LRRC8D: variants seen among roughly 807,000 people sequenced by gnomAD.
LRRC8D encodes leucine rich repeat containing 8 VRAC subunit D.
In LRRC8D, 20 loss-of-function variants were observed where a neutral mutation model predicts 55.8. The ratio of observed to expected loss-of-function variants is 0.36; its 90% CI spans 0.25 to 0.52. LRRC8D has a LOEUF of 0.52. LRRC8D is among the 20% of genes least tolerant of loss of function. LRRC8D has a pLI of 0.93. For missense variants in LRRC8D, 651 were observed against 1,030.8 expected, an observed-to-expected ratio of 0.63 and a Z score of 5.05; for synonymous variants, 352 against 377.0, an observed-to-expected ratio of 0.93 and a Z score of 0.77.
intron 2 of LRRC8D, among the ~76,000 whole-genome samples, chr1:89,877,525 A>G (rs1020043915): frequency 2.0e-5 from 3 of 152,208 alleles, no homozygotes; most frequent in Admixed American, 2.0e-4. Flanking sequence ...TAATCCTTAC[A>G]TATTTGCCCC....
chr1:89,857,238 C>T (rs1364798201), intron 2 of LRRC8D, among the ~76,000 whole-genome samples: 2 of 151,730 alleles, frequency 1.3e-5, no homozygotes, highest in African/African-American at 2.4e-5. Context: ...AGAAAATTAG[C>T]CGGGTGTGGT....
At chr1:89,891,182 A>C (rs1449721252) in intron 2 of LRRC8D, among the ~76,000 whole-genome samples, 2 of 152,070 alleles carry the variant, frequency 1.3e-5, no homozygotes, top group Non-Finnish European at 2.9e-5. Context: ...GCCTGGCCTC[A>C]GTTTTTGTCT....
At chr1:89,899,546 G>A (rs927975861) in intron 2 of LRRC8D, among the ~76,000 whole-genome samples, 1 of 152,220 alleles carries the variant, frequency 6.6e-6, no homozygotes, top group Non-Finnish European at 1.5e-5. Flanking sequence ...CTTGAGGAAA[G>A]AATTAATGTA....
At position 89,881,378 on chromosome 1, in the gene LRRC8D, C is replaced by T. The variant is rs940198263; in HGVS notation, c.-3+37596C>T. Among the ~76,000 whole-genome samples, 12 of 152,076 alleles carry T rather than the reference C, an allele frequency of 7.9e-5. No individual in the cohort carries two copies. The East Asian group carries it at 1.2e-3, about 15-fold the overall frequency. ...ATGTATGAAATAGTCATCTAAAAAA[C>T]GAAAGAATGATGGACTTGGGAAATA... On this transcript the variant is annotated intron_variant, in intron 2 of 2. Coordinates refer to ENST00000337338, the MANE Select transcript of LRRC8D (RefSeq NM_001134479.2).
chr1:89,874,052 TG>T (rs1424995082), intron 2 of LRRC8D, among the ~76,000 whole-genome samples: 1 of 152,226 alleles, frequency 6.6e-6, no homozygotes, highest in Non-Finnish European at 1.5e-5. Context: ...TTAAGCATTC[TG>T]CTTCCTATGG....
chr1:89,928,677 C>T (rs1663628139), intron 2 of LRRC8D, among the ~76,000 whole-genome samples: 2 of 152,116 alleles, frequency 1.3e-5, no homozygotes, highest in Non-Finnish European at 1.5e-5. Flanking sequence ...GTTGCTATGC[C>T]CACTGCCACT....
At chr1:89,921,510 T>C (rs1287176981) in intron 2 of LRRC8D, among the ~76,000 whole-genome samples, 2 of 152,006 alleles carry the variant, frequency 1.3e-5, no homozygotes, top group African/African-American at 4.8e-5. Flanking sequence ...GATAAACTTT[T>C]AAAGGTTTTT....
rs1156808715 is a variant in LRRC8D, at chr1:89,935,658, T to C, written c.*13T>C. The C allele has an allele frequency of 3.7e-6, 6 of 1,608,664 alleles. No individual in the cohort carries two copies. The African/African-American group carries it at 4.0e-5, about 11-fold the overall frequency. ...AAATGGGATTTAAACTAAGATAATA[T>C]ATGCACAGTGATGTGCAGGAACAAC... On this transcript the variant is annotated 3_prime_UTR_variant, in exon 3 of 3. Coordinates refer to ENST00000337338, the MANE Select transcript of LRRC8D (RefSeq NM_001134479.2).
intron 2 of LRRC8D, among the ~76,000 whole-genome samples, chr1:89,909,694 G>A (rs552963541): frequency 2.0e-4 from 31 of 151,936 alleles, no homozygotes; most frequent in East Asian, 9.7e-4. Context: ...GTGAAACCCC[G>A]TCTCTACTAA....
chr1:89,920,790 C>G (rs529981095), intron 2 of LRRC8D, among the ~76,000 whole-genome samples: 9 of 149,756 alleles, frequency 6.0e-5, no homozygotes, highest in Admixed American at 4.7e-4. Flanking sequence ...TTTTTGATAA[C>G]TGATTTGGGT....
At position 89,935,199 on chromosome 1, in the gene LRRC8D, C is replaced by T. The variant is rs764367233; in HGVS notation, c.2131C>T (p.Leu711Phe). Residue 711 changes from leucine (L) to phenylalanine (F), a missense_variant, in exon 3 of 3, where the codon CTT becomes TTT. By Grantham distance (22) the Leu-to-Phe change is conservative. Around this residue, in one of 5 missense-constraint regions of LRRC8D, gnomAD observed 338 missense variants for 479.4 expected, o/e 0.71. Coordinates refer to ENST00000337338, the MANE Select transcript of LRRC8D (RefSeq NM_001134479.2). The part of the protein sequence containing the change: ...SITHVKNLES[L>F]YFSNNKLESL... ...TACCCATGTCAAAAACTTGGAGTCA[C>T]TTTATTTCTCTAACAACAAGCTCGA... The T allele has an allele frequency of 2.5e-6, 4 of 1,614,056 alleles. No individual in the cohort carries two copies. Among genetic ancestry groups the T allele is most frequent in the African/African-American group, 1.3e-5 (1 of 74,924 alleles).
chr1:89,929,672 A>G (rs892551944), intron 2 of LRRC8D: 25 of 152,238 alleles, frequency 1.6e-4, no homozygotes, highest in Admixed American at 1.6e-3. Context: ...AGGCAATTTC[A>G]TTGTTGTGTA....
At chr1:89,931,749 GCT>G (rs1350294098) in intron 2 of LRRC8D, among the ~76,000 whole-genome samples, 2 of 151,696 alleles carry the variant, frequency 1.3e-5, no homozygotes, top group Non-Finnish European at 2.9e-5. Flanking sequence ...ACAGAGTGAG[GCT>G]CTGTCTCAAA....
intron 1 of LRRC8D, among the ~76,000 whole-genome samples, chr1:89,825,045 G>T (rs558298004): frequency 2.6e-4 from 40 of 151,960 alleles, no homozygotes; most frequent in Admixed American, 1.8e-3. Flanking sequence ...AGTTTTTTTT[G>T]TTGTTGTTGT....
Position 89,892,691 on chromosome 1 carries a change from T to C in LRRC8D, c.-2-40376T>C, listed in dbSNP as rs566988094. 9.9e-4 allele frequency among the ~76,000 whole-genome samples: 150 copies of C among 152,278 alleles called. 1 individual carries two copies. Among genetic ancestry groups the C allele is most frequent in the African/African-American group, 3.5e-3 (145 of 41,542 alleles). On this transcript the variant is annotated intron_variant, in intron 2 of 2. Transcript: ENST00000337338. Reference sequence around the variant, plus strand: ...CCGCCAACACGCCCAGCTAATTTTTTTGTATTTTTTAGTAGAGACGGAGTT... The same window carrying C: ...CCGCCAACACGCCCAGCTAATTTTTCTGTATTTTTTAGTAGAGACGGAGTT...
chr1:89,935,174 T>C lies in LRRC8D; in HGVS notation c.2106T>C (p.Ile702=). ...AAATTGTTACTATTCCTCCCTCTAT[T>C]ACCCATGTCAAAAACTTGGAGTCAC... ...HNKIVTIPPS[I]THVKNLESLY... Residue 702 remains isoleucine (I), a synonymous_variant, in exon 3 of 3, where the codon ATT becomes ATC. Transcript: ENST00000337338. The C allele has an allele frequency of 1.2e-6, 2 of 1,614,204 alleles. No homozygotes were observed. Among genetic ancestry groups the C allele is most frequent in the South Asian group, 1.1e-5 (1 of 91,080 alleles).
intron 1 of LRRC8D, among the ~76,000 whole-genome samples, chr1:89,842,558 G>T (rs72716313): frequency 2.6e-5 from 4 of 152,172 alleles, no homozygotes; most frequent in African/African-American, 4.8e-5. Context: ...TCCATTTTGA[G>T]TATGGAACCA....
intron 2 of LRRC8D, among the ~76,000 whole-genome samples, chr1:89,930,074 C>T (rs997570725): frequency 2.6e-5 from 4 of 152,158 alleles, no homozygotes; most frequent in Non-Finnish European, 5.9e-5. Context: ...AACCATCTCT[C>T]CCCCCAACCC....
At chr1:89,890,905 C>G (rs889240244) in intron 2 of LRRC8D, among the ~76,000 whole-genome samples, 1 of 152,044 alleles carries the variant, frequency 6.6e-6, no homozygotes, top group South Asian at 2.1e-4. Context: ...TTTTTAGAGA[C>G]GGAGTCTTGC....
Sources: allele counts gnomAD v4.1 joint callset (sites outside exome capture counted in the v4.1 genomes callset), GRCh38; gene constraint gnomAD v4.1.1; regional missense constraint gnomAD v4.1.1; transcripts MANE v1.5; gene names NCBI Gene and HGNC (gene_info 2026-07-23, HGNC 2026-07-21).